CALN1: variants seen among roughly 807,000 people sequenced by gnomAD.
CALN1 encodes the protein calcium-binding protein 8.
In CALN1, 17 loss-of-function variants were observed where a neutral mutation model predicts 30.6. The observed-to-expected ratio is 0.56, with a 90% confidence interval of 0.38 to 0.83. The LOEUF (loss-of-function observed/expected upper bound fraction) is 0.83. Among genes scored for constraint, CALN1 ranks in the 40% least tolerant of loss-of-function variants. The probability of loss-of-function intolerance (pLI) is 0.00; values close to 1 mark genes in which losing one functional copy is unlikely to be tolerated. For synonymous variants in CALN1, 156 were observed against 131.4 expected (o/e 1.19, Z -1.28); for missense variants, 291 against 354.9 (o/e 0.82, Z 1.45).
intron 4 of CALN1, among the ~76,000 whole-genome samples, chr7:72,037,953 G>A (rs1252275180): frequency 6.6e-6 from 1 of 152,234 alleles, no homozygotes; most frequent in Non-Finnish European, 1.5e-5. Flanking sequence ...AAGTGGAGAA[G>A]TTGGGGAAGG....
At chr7:72,042,106 G>A (rs922769674) in intron 4 of CALN1, among the ~76,000 whole-genome samples, 2 of 152,166 alleles carry the variant, frequency 1.3e-5, no homozygotes, top group East Asian at 3.9e-4. Flanking sequence ...CTTAGCAGTA[G>A]CAACTTGGTT....
At chr7:72,104,621 ACT>A (rs1182059321) in intron 4 of CALN1, among the ~76,000 whole-genome samples, 2 of 151,952 alleles carry the variant, frequency 1.3e-5, no homozygotes, top group Non-Finnish European at 2.9e-5. Context: ...TTTAACTCCC[ACT>A]TATAAGTGAG....
intron 2 of CALN1, among the ~76,000 whole-genome samples, chr7:72,397,956 A>C (rs1423558333): frequency 6.6e-6 from 1 of 152,108 alleles, no homozygotes; most frequent in Non-Finnish European, 1.5e-5. Context: ...CCCCTAAGAC[A>C]CAGCTCCTGG....
intron 5 of CALN1, among the ~76,000 whole-genome samples, chr7:71,892,618 T>C (rs4719186): frequency 0.12 from 17,676 of 151,964 alleles, 1,494 homozygotes; most frequent in East Asian, 0.43. Context: ...GAAACTCCAT[T>C]TCCCCCCAAA....
At chr7:71,956,039 G>T (rs2129524675) in intron 5 of CALN1, among the ~76,000 whole-genome samples, 1 of 151,618 alleles carries the variant, frequency 6.6e-6, no homozygotes, top group African/African-American at 2.4e-5. Context: ...CCAGGCTGGA[G>T]AGCAATGGCA....
intron 4 of CALN1, among the ~76,000 whole-genome samples, chr7:72,083,937 G>T (rs1389918838): frequency 2.0e-5 from 3 of 151,902 alleles, no homozygotes; most frequent in African/African-American, 7.3e-5. Flanking sequence ...CGCTGGGTGT[G>T]GTGGCTCACG....
intron 3 of CALN1, among the ~76,000 whole-genome samples, chr7:72,234,223 A>G (rs1305770898): frequency 6.6e-6 from 1 of 152,130 alleles, no homozygotes; most frequent in Non-Finnish European, 1.5e-5. Context: ...CAGAGCACAG[A>G]GAAAAGCTGC....
intron 3 of CALN1, among the ~76,000 whole-genome samples, chr7:72,185,660 T>A (rs34588557): frequency 0.26 from 39,185 of 152,142 alleles, 6,039 homozygotes; most frequent in Non-Finnish European, 0.35. Flanking sequence ...CTCCCATAAT[T>A]CCCACGTGTT....
intron 3 of CALN1, among the ~76,000 whole-genome samples, chr7:72,227,653 A>AT (rs1346710789): frequency 0.012 from 1,831 of 152,114 alleles, 32 homozygotes; most frequent in African/African-American, 0.042. Context: ...TCACTACCTG[A>AT]GTGAGAGGTC....
chr7:71,996,011 G>A (rs1472073830), intron 5 of CALN1, among the ~76,000 whole-genome samples: 1 of 152,006 alleles, frequency 6.6e-6, no homozygotes, highest in African/African-American at 2.4e-5. Flanking sequence ...TTTCTGCCCC[G>A]TCAAGAAGCA....
At chr7:72,474,300 T>C in the CALN1 span, among the ~76,000 whole-genome samples, 2 of 152,220 alleles carry the variant, frequency 1.3e-5, no homozygotes, top group Admixed American at 1.3e-4. Context: ...TTCTCTGTAT[T>C]ATTTCTTACT....
At chr7:71,983,310 C>A (rs973978667) in intron 5 of CALN1, among the ~76,000 whole-genome samples, 11 of 152,136 alleles carry the variant, frequency 7.2e-5, no homozygotes, top group Non-Finnish European at 1.2e-4. Flanking sequence ...GACAATGATG[C>A]CAATTCAGAA....
At chr7:72,245,339 C>T (rs2129551612) in intron 3 of CALN1, among the ~76,000 whole-genome samples, 1 of 152,324 alleles carries the variant, frequency 6.6e-6, no homozygotes, top group East Asian at 1.9e-4. Flanking sequence ...TAAAGTGGGC[C>T]TGGGCACAGT....
chr7:71,938,649 G>T (rs906171124), intron 5 of CALN1, among the ~76,000 whole-genome samples: 6 of 152,060 alleles, frequency 3.9e-5, no homozygotes, highest in African/African-American at 1.4e-4. Context: ...ACAAAAATTA[G>T]CTGGGCGTGG....
At chr7:72,193,648 G>C (rs375246238) in intron 3 of CALN1, among the ~76,000 whole-genome samples, 21 of 152,264 alleles carry the variant, frequency 1.4e-4, no homozygotes, top group African/African-American at 4.1e-4. Flanking sequence ...CTACTGGATT[G>C]AATACTGTAG....
chr7:72,289,124 G>C (rs1048766567), intron 2 of CALN1, among the ~76,000 whole-genome samples: 2 of 152,140 alleles, frequency 1.3e-5, no homozygotes, highest in Admixed American at 1.3e-4. Context: ...AAAATGTTTT[G>C]TTGCTGATGA....
At chr7:72,413,680 TACATTC>T (rs1807323776), upstream of CALN1, among the ~76,000 whole-genome samples, 1 of 151,840 alleles carries the variant, frequency 6.6e-6, no homozygotes, top group South Asian at 2.1e-4. Flanking sequence ...CATACACATA[TACATTC>T]ACACTCACAC....
At chr7:71,877,001 C>G (rs139238159) in intron 5 of CALN1, among the ~76,000 whole-genome samples, 10 of 152,184 alleles carry the variant, frequency 6.6e-5, no homozygotes, top group East Asian at 1.9e-4. Flanking sequence ...CAATTAGAAC[C>G]CTTGTTTCTT....
At chr7:72,080,727 C>CT (rs1805079245) in intron 4 of CALN1, among the ~76,000 whole-genome samples, 1 of 152,148 alleles carries the variant, frequency 6.6e-6, no homozygotes, top group Non-Finnish European at 1.5e-5. Flanking sequence ...ACCACGCACC[C>CT]TGTATGCTCT....
Sources: allele counts gnomAD v4.1 joint callset (sites outside exome capture counted in the v4.1 genomes callset), GRCh38; gene constraint gnomAD v4.1.1; transcripts MANE v1.5; gene names NCBI Gene and HGNC (gene_info 2026-07-23, HGNC 2026-07-21).